CTNNA2: variants seen among roughly 807,000 people sequenced by gnomAD.
CTNNA2 encodes catenin alpha 2.
In CTNNA2, 42 loss-of-function variants were observed where a neutral mutation model predicts 101.0. The observed-to-expected ratio is 0.42, with a 90% CI of 0.32 to 0.54. CTNNA2 has a LOEUF of 0.54. CTNNA2 is among the 20% of genes least tolerant of loss of function. The pLI is 0.14. For synonymous variants in CTNNA2, 450 were observed against 456.4 expected (o/e 0.99, Z 0.18); for missense variants, 871 against 1,223.1 (o/e 0.71, Z 4.29).
chr2:79,774,091 T>G (rs139635985), intron 3 of CTNNA2, among the ~76,000 whole-genome samples: 124 of 152,330 alleles, frequency 8.1e-4, no homozygotes, highest in African/African-American at 2.9e-3. Flanking sequence ...AACATTTGCC[T>G]TAACTAACAA....
chr2:79,224,819 T>C (rs1041799563), intron 2 of CTNNA2, among the ~76,000 whole-genome samples: 8 of 150,818 alleles, frequency 5.3e-5, no homozygotes, highest in Admixed American at 2.0e-4. Flanking sequence ...AAATAAATAT[T>C]TATAAATTAA....
chr2:80,405,642 C>T (rs773026589), intron 8 of CTNNA2, among the ~76,000 whole-genome samples: 9 of 152,008 alleles, frequency 5.9e-5, no homozygotes, highest in Non-Finnish European at 1.0e-4. Flanking sequence ...TCTAATTAAT[C>T]GTAAGGGAAA....
intron 12 of CTNNA2, among the ~76,000 whole-genome samples, chr2:80,563,652 C>T (rs1231004730): frequency 6.6e-6 from 1 of 152,130 alleles, no homozygotes; most frequent in Non-Finnish European, 1.5e-5. Context: ...GCTGGGATTA[C>T]AGGCATGAGC....
chr2:79,333,474 C>T (rs923957832), intron 3 of CTNNA2, among the ~76,000 whole-genome samples: 2 of 152,092 alleles, frequency 1.3e-5, no homozygotes, highest in African/African-American at 2.4e-5. Context: ...TGCAATTCTT[C>T]CTCACTAAAA....
At chr2:79,581,569 T>C (rs1275473409) in intron 1 of CTNNA2, among the ~76,000 whole-genome samples, 1 of 152,130 alleles carries the variant, frequency 6.6e-6, no homozygotes, top group Non-Finnish European at 1.5e-5. Context: ...CTTATGACTT[T>C]GATTTTGCCT....
chr2:79,681,784 G>T (rs1461471283), intron 2 of CTNNA2, among the ~76,000 whole-genome samples: 1 of 152,152 alleles, frequency 6.6e-6, no homozygotes, highest in Non-Finnish European at 1.5e-5. Flanking sequence ...CAAGTAACAT[G>T]GAATATATTT....
At chr2:80,318,644 A>T (rs536466332) in intron 7 of CTNNA2, among the ~76,000 whole-genome samples, 9 of 152,278 alleles carry the variant, frequency 5.9e-5, no homozygotes, top group Non-Finnish European at 1.2e-4. Context: ...AAAGGCGTTT[A>T]TTTTTAACTT....
intron 5 of CTNNA2, among the ~76,000 whole-genome samples, chr2:79,872,331 A>AT (rs1682653243): frequency 6.6e-6 from 1 of 151,774 alleles, no homozygotes; most frequent in East Asian, 1.9e-4. Context: ...TTATGGAGAG[A>AT]TTTTCACAAC....
chr2:79,523,834 G>A (rs1175807692), intron 1 of CTNNA2, among the ~76,000 whole-genome samples: 1 of 152,050 alleles, frequency 6.6e-6, no homozygotes, highest in Non-Finnish European at 1.5e-5. Flanking sequence ...CAGATTTCTA[G>A]AGGTTATCTT....
chr2:80,444,978 A>T (rs1474485425), intron 9 of CTNNA2, among the ~76,000 whole-genome samples: 1 of 152,120 alleles, frequency 6.6e-6, no homozygotes, highest in African/African-American at 2.4e-5. Context: ...ACAACCAAAA[A>T]TATATCCACA....
At chr2:79,207,271 C>T (rs763040135) in intron 2 of CTNNA2, among the ~76,000 whole-genome samples, 8 of 152,142 alleles carry the variant, frequency 5.3e-5, no homozygotes, top group Non-Finnish European at 1.0e-4. Flanking sequence ...TTGAGTGTGA[C>T]TATAGACTTC....
chr2:80,177,573 A>C (rs1006157938), intron 7 of CTNNA2, among the ~76,000 whole-genome samples: 1 of 152,062 alleles, frequency 6.6e-6, no homozygotes, highest in African/African-American at 2.4e-5. Context: ...CACTTTTTTC[A>C]TGGGCCCACT....
chr2:80,555,628 A>C, intron 11 of CTNNA2, 65 bp from the exon 12 acceptor site: 4 of 970,446 alleles, frequency 4.1e-6, no homozygotes, highest in Non-Finnish European at 5.9e-6. Flanking sequence ...GAGTTGAATC[A>C]ATTTTAATTG....
At chr2:79,214,213 T>C (rs541699796) in intron 2 of CTNNA2, among the ~76,000 whole-genome samples, 1 of 152,282 alleles carries the variant, frequency 6.6e-6, no homozygotes, top group East Asian at 1.9e-4. Flanking sequence ...CTGTGAAGCT[T>C]TGCAGCAGTA....
chr2:80,633,272 A>T (rs1309066378), intron 18 of CTNNA2, among the ~76,000 whole-genome samples: 12 of 152,222 alleles, frequency 7.9e-5, no homozygotes, highest in African/African-American at 2.4e-4. Flanking sequence ...GATAAGGAGA[A>T]TTAGAAGTTG....
intron 17 of CTNNA2, among the ~76,000 whole-genome samples, chr2:80,612,543 C>A (rs1445851881): frequency 1.3e-5 from 2 of 151,302 alleles, no homozygotes; most frequent in African/African-American, 4.8e-5. Flanking sequence ...TGATCCAATA[C>A]AAATTAGGGA....
intron 7 of CTNNA2, among the ~76,000 whole-genome samples, chr2:79,929,220 G>C (rs572719756): frequency 6.6e-6 from 1 of 152,106 alleles, no homozygotes; most frequent in African/African-American, 2.4e-5. Context: ...ATTCCAGGGG[G>C]AAATTTATAG....
At chr2:80,267,792 A>G (rs567029188) in intron 7 of CTNNA2, among the ~76,000 whole-genome samples, 1 of 152,336 alleles carries the variant, frequency 6.6e-6, no homozygotes, top group East Asian at 1.9e-4. Context: ...ATGAGTGGAC[A>G]GAGGCTGTGT....
chr2:79,428,628 A>G (rs752149528), intron 4 of CTNNA2, among the ~76,000 whole-genome samples: 8 of 152,152 alleles, frequency 5.3e-5, no homozygotes, highest in Non-Finnish European at 1.0e-4. Context: ...GAAACAGGCA[A>G]GCTTTGGGCA....
Sources: allele counts gnomAD v4.1 joint callset (sites outside exome capture counted in the v4.1 genomes callset), GRCh38; gene constraint gnomAD v4.1.1; transcripts MANE v1.5; gene names NCBI Gene and HGNC (gene_info 2026-07-23, HGNC 2026-07-21).